The following ZAP70 variants were observed in gnomAD, a reference collection of about 807,000 sequenced individuals.
ZAP70 encodes tyrosine-protein kinase ZAP-70.
In ZAP70, 27 loss-of-function variants were observed where a neutral mutation model predicts 65.8. The observed-to-expected ratio is 0.41, with a 90% CI of 0.30 to 0.57. ZAP70 has a LOEUF of 0.57. Among genes scored for constraint, ZAP70 ranks in the 20% least tolerant of loss-of-function variants. ZAP70 has a pLI of 0.28. For missense variants in ZAP70, 696 were observed against 870.5 expected (o/e 0.80, Z 2.52); for synonymous variants, 363 against 360.8 (o/e 1.01, Z -0.07).
In ZAP70 at chr2:97,737,252, G is replaced by A. The variant is rs1383789609; in HGVS notation, c.1290-221G>A. 6.6e-6 allele frequency among the ~76,000 whole-genome samples: 1 copy of A among 152,146 alleles called. No homozygotes were observed. Among genetic ancestry groups the A allele is most frequent in the Non-Finnish European group, 1.5e-5 (1 of 68,018 alleles). ...TAGACTTGGGAGTCGTAGCGTGTGG[G>A]TGATCCCTAAAGCCTTGAGACTGGA... On this transcript the variant is annotated intron_variant, in intron 10 of 13. Transcript: ENST00000264972. This position sits in a 1 kb window ranked among gnomAD's most constrained non-coding sequence, Gnocchi z 5.0.
chr2:97,732,802 G>T, intron 4 of ZAP70, 81 bp from the exon 5 acceptor site: 1 of 1,589,368 alleles, frequency 6.3e-7, no homozygotes, highest in Admixed American at 1.7e-5. Flanking sequence ...GAGCCCATAG[G>T]GTGTGTTGCG....
At chr2:97,742,680 A>T (rs1040788854), downstream of ZAP70, among the ~76,000 whole-genome samples, 1 of 152,260 alleles carries the variant, frequency 6.6e-6, no homozygotes, top group Non-Finnish European at 1.5e-5. Context: ...GTGAAGCCCC[A>T]GGAAGGTATT....
chr2:97,717,131 G>A (rs982019526), intron 2 of ZAP70, among the ~76,000 whole-genome samples: 4 of 152,196 alleles, frequency 2.6e-5, no homozygotes, highest in Admixed American at 1.3e-4. Context: ...GGGCACAGGC[G>A]GCCCGAGCAC....
chr2:97,734,583 C>G lies in ZAP70; in HGVS notation c.953C>G (p.Pro318Arg). The G allele has an allele frequency of 6.2e-7, 1 of 1,614,202 alleles. No individual in the cohort carries two copies. The highest frequency in any genetic ancestry group is 8.5e-7 in the Non-Finnish European group (1 of 1,180,032). Residue 318 changes from proline to arginine, a missense_variant, in exon 9 of 14, where the codon CCC becomes CGC. Pro to Arg is a moderately radical substitution (Grantham distance 103, BLOSUM62 -2). Coordinates refer to ENST00000264972, the MANE Select transcript of ZAP70 (RefSeq NM_001079.4). ...MPMDTSVYES[P>R]YSDPEELKDK... ...ATGGACACGAGCGTGTATGAGAGCCCCTACAGCGACCCAGAGGAGCTCAAG... is the reference window on the plus strand; with the variant it reads ...ATGGACACGAGCGTGTATGAGAGCCGCTACAGCGACCCAGAGGAGCTCAAG...
At chr2:97,744,208 C>G (rs1031273261), downstream of ZAP70, among the ~76,000 whole-genome samples, 1 of 152,214 alleles carries the variant, frequency 6.6e-6, no homozygotes, top group Admixed American at 6.5e-5. Context: ...CCGGTGCTCC[C>G]CTCAGCTCTG....
chr2:97,749,487 G>C, the ZAP70 span, among the ~76,000 whole-genome samples: 1 of 152,202 alleles, frequency 6.6e-6, no homozygotes, highest in South Asian at 2.1e-4. Flanking sequence ...TGGAGTTCCG[G>C]GTGGGCAATG....
intron 3 of ZAP70, chr2:97,724,706 G>C (rs1408042468): frequency 2.6e-6 from 4 of 1,516,694 alleles, no homozygotes. Flanking sequence ...CACTGGGCCG[G>C]GCGAAGGCGA....
chr2:97,734,297 A>G, intron 8 of ZAP70: 2 of 1,322,860 alleles, frequency 1.5e-6, no homozygotes, highest in Non-Finnish European at 2.0e-6. Context: ...ACACGCCCCT[A>G]GAGTCCACCC....
At chr2:97,754,582 T>C in the ZAP70 span, among the ~76,000 whole-genome samples, 1 of 152,120 alleles carries the variant, frequency 6.6e-6, no homozygotes, top group African/African-American at 2.4e-5. Context: ...TTTGTATTTT[T>C]AGTAGAGACG....
At chr2:97,733,065 A>T in intron 5 of ZAP70, 44 bp downstream of exon 5, 1 of 1,613,980 alleles carries the variant, frequency 6.2e-7, no homozygotes, top group Non-Finnish European at 8.5e-7. Context: ...CCGTGCTCAG[A>T]TGGGGTGCCG....
rs113774350 is a variant in ZAP70 at position 97,715,346 on chromosome 2, A to T, written c.-22+1352A>T. 4.6e-5 allele frequency among the ~76,000 whole-genome samples: 7 copies of T among 152,330 alleles called. No individual in the cohort carries two copies. Among genetic ancestry groups the T allele is most frequent in the African/African-American group, 1.7e-4 (7 of 41,578 alleles). On this transcript the variant is annotated intron_variant, in intron 2 of 13. Transcript: ENST00000264972. The surrounding 1 kb of genome is among the most constrained non-coding windows in gnomAD (Gnocchi z 4.1). ...AGGACAGGAATCCTGTGAACAGCCTACAAGGCCCAGGACAGTCCCACCCTG... is the reference window on the plus strand; with the variant it reads ...AGGACAGGAATCCTGTGAACAGCCTTCAAGGCCCAGGACAGTCCCACCCTG...
chr2:97,721,580 ATT>A lies in ZAP70; in HGVS notation c.-21-2412_-21-2411del, dbSNP rs796509420. ...AGGCGCCCGCCACCATGGCTGGCTG[ATT>A]TTTTTTTTTTTTTTTTTTTTTTTGT... On this transcript the variant is annotated intron_variant, in intron 2 of 13. Transcript: ENST00000264972. 2.9e-3 allele frequency among the ~76,000 whole-genome samples: 237 copies of A among 81,140 alleles called. 2 individuals carry two copies. The highest frequency in any genetic ancestry group is 9.3e-3 in the African/African-American group (202 of 21,610). 53.2% of individuals were successfully genotyped at this position (81,140 alleles called of 152,430 possible). A position where few individuals can be genotyped will look rare whatever the true frequency, so the allele number is the denominator to read the frequency against.
intron 8 of ZAP70, 24 bp downstream of exon 8, chr2:97,733,619 C>T (rs759115124): frequency 2.5e-6 from 4 of 1,612,878 alleles, no homozygotes; most frequent in African/African-American, 2.7e-5. Context: ...GGTGGGGACG[C>T]GGGTTGGGGC....
downstream of ZAP70, among the ~76,000 whole-genome samples, chr2:97,740,066 G>A (rs1392445757): frequency 3.9e-5 from 6 of 152,110 alleles, no homozygotes; most frequent in Non-Finnish European, 8.8e-5. Flanking sequence ...GGCCAGGCGG[G>A]TGTGGGCCCA....
rs1429216866 is a variant in ZAP70 at position 97,733,591 on chromosome 2, G to GC, written c.887dup (p.Ala297SerfsTer20). On this transcript the variant is annotated frameshift_variant, in exon 8 of 14. Transcript: ENST00000264972. LOFTEE classifies it high-confidence loss of function. ...TCAACTCAGATGGATACACCCCTGA[G>GC]CCAGGTGAGCGGGCAGAGGTGGGGA... The GC allele has an allele frequency of 6.2e-7, 1 of 1,613,624 alleles. No homozygotes were observed. The highest frequency in any genetic ancestry group is 1.3e-5 in the African/African-American group (1 of 75,028).
At chr2:97,742,121 T>C (rs1678146278), downstream of ZAP70, among the ~76,000 whole-genome samples, 2 of 152,142 alleles carry the variant, frequency 1.3e-5, no homozygotes, top group South Asian at 2.1e-4. Flanking sequence ...AGTTTGGAAA[T>C]GGGAAGAAAA....
In ZAP70 at chr2:97,735,247, C is replaced by A. The variant is rs199890589; in HGVS notation, c.1083-3C>A. ...ACGTGCCTCCCGTGGCCGGGTCGGGCAGGAAGCAGATCGACGTGGCCATCA... is the reference window on the plus strand; with the variant it reads ...ACGTGCCTCCCGTGGCCGGGTCGGGAAGGAAGCAGATCGACGTGGCCATCA... On this transcript the variant is annotated splice_region_variant and splice_polypyrimidine_tract_variant and intron_variant, in intron 9 of 13. Transcript: ENST00000264972. The A allele has an allele frequency of 1.9e-6, 3 of 1,613,628 alleles. No individual in the cohort carries two copies. The highest frequency in any genetic ancestry group is 2.5e-6 in the Non-Finnish European group (3 of 1,179,938).
rs1677578561 is a variant in ZAP70, at chr2:97,731,030, G to A, written c.564-1853G>A. Among the ~76,000 whole-genome samples the A allele has an allele frequency of 6.7e-6, 1 of 150,132 alleles. No individual in the cohort carries two copies. Among genetic ancestry groups the A allele is most frequent in the Non-Finnish European group, 1.5e-5 (1 of 67,578 alleles). On this transcript the variant is annotated intron_variant, in intron 4 of 13. Transcript: ENST00000264972. This position sits in a 1 kb window ranked among gnomAD's most constrained non-coding sequence, Gnocchi z 4.0. ...AGATCACGCCACTGCACTCCAGCCC[G>A]GGCTGTGGAGCGAGACTCGGTCTCA...
chr2:97,734,900 T>C (rs1677791374), intron 9 of ZAP70, 188 bp downstream of exon 9: 1 of 721,420 alleles, frequency 1.4e-6, no homozygotes. Context: ...GGGGGTGGGA[T>C]GGGGCCTGGG....
Sources: allele counts gnomAD v4.1 joint callset (sites outside exome capture counted in the v4.1 genomes callset), GRCh38; gene constraint gnomAD v4.1.1; non-coding constraint Gnocchi (gnomAD v3.1); transcripts MANE v1.5; gene names NCBI Gene and HGNC (gene_info 2026-07-23, HGNC 2026-07-21).